Variants in ZFAT observed in about 807,000 individuals in gnomAD.
ZFAT encodes the protein zinc finger protein ZFAT.
Under a neutral mutation model 117.7 loss-of-function variants are expected in ZFAT, and 64 were observed. The observed-to-expected ratio is 0.54, with a 90% CI of 0.44 to 0.67. The LOEUF (loss-of-function observed/expected upper bound fraction) is 0.67, where lower values mean the gene tolerates loss of function less well. Among genes scored for constraint, ZFAT ranks in the 30% least tolerant of loss-of-function variants. The probability of loss-of-function intolerance (pLI) is 0.00; values close to 1 mark genes in which losing one functional copy is unlikely to be tolerated. For missense variants in ZFAT, 1,433 were observed against 1,584.5 expected (o/e 0.90, Z 1.62); for synonymous variants, 679 against 615.0 (o/e 1.10, Z -1.54).
At chr8:134,747,335 C>T in the ZFAT span, among the ~76,000 whole-genome samples, 2 of 152,150 alleles carry the variant, frequency 1.3e-5, no homozygotes, top group Non-Finnish European at 2.9e-5. Context: ...AATGATCCTC[C>T]CACCTCAGCC....
intron 12 of ZFAT, among the ~76,000 whole-genome samples, chr8:134,529,475 G>A (rs1280713926): frequency 2.0e-5 from 3 of 152,220 alleles, no homozygotes; most frequent in African/African-American, 7.2e-5. Flanking sequence ...TATTAATGAA[G>A]AAGTGATGGC....
intron 11 of ZFAT, among the ~76,000 whole-genome samples, chr8:134,539,146 A>G (rs1822060548): frequency 6.6e-6 from 1 of 152,202 alleles, no homozygotes; most frequent in Non-Finnish European, 1.5e-5. Context: ...AAAACCTCTA[A>G]CTACATTAAA....
intron 1 of ZFAT, among the ~76,000 whole-genome samples, chr8:134,695,650 G>T (rs568366205): frequency 7.0e-6 from 1 of 143,272 alleles, no homozygotes; most frequent in East Asian, 2.1e-4. Context: ...CACTCCCCAA[G>T]CCTGGGTCAT....
At chr8:134,711,123 G>GTTGTT (rs748839508) in intron 1 of ZFAT, among the ~76,000 whole-genome samples, 1 of 152,168 alleles carries the variant, frequency 6.6e-6, no homozygotes, top group Non-Finnish European at 1.5e-5. Flanking sequence ...TTGTGCAACT[G>GTTGTT]TTGTTTTGTT....
At chr8:134,819,496 A>ACCC in the ZFAT span, among the ~76,000 whole-genome samples, 1 of 39,374 alleles carries the variant, frequency 2.5e-5, no homozygotes, top group African/African-American at 9.2e-5. Flanking sequence ...CGGATTTACC[A>ACCC]CCCCCCCCCC....
At chr8:134,754,518 C>T in the ZFAT span, among the ~76,000 whole-genome samples, 1 of 152,214 alleles carries the variant, frequency 6.6e-6, no homozygotes, top group Non-Finnish European at 1.5e-5. Flanking sequence ...TCCAGGACTG[C>T]CCCTTCCCAG....
intron 1 of ZFAT, among the ~76,000 whole-genome samples, chr8:134,710,760 G>A (rs1813963183): frequency 6.6e-6 from 1 of 152,166 alleles, no homozygotes; most frequent in South Asian, 2.1e-4. Flanking sequence ...TTTTGATCAT[G>A]AAACAAAGTG....
the ZFAT span, among the ~76,000 whole-genome samples, chr8:134,818,486 G>A: frequency 6.6e-6 from 1 of 152,152 alleles, no homozygotes; most frequent in South Asian, 2.1e-4. Flanking sequence ...AATGCTGGTG[G>A]GAATGTAAAA....
rs1161879372 is a variant in ZFAT, at chr8:134,588,281, C to T, written c.2678G>A (p.Gly893Asp). Residue 893 changes from glycine (G) to aspartate (D), a missense_variant, in exon 9 of 16, where the codon GGC becomes GAC. Transcript: ENST00000377838. ...CCAAATATGACGCTGAAGGTCTGAGCCATTCTTCATGAAATAAAAGTCACA... is the reference window on the plus strand; with the variant it reads ...CCAAATATGACGCTGAAGGTCTGAGTCATTCTTCATGAAATAAAAGTCACA... Reference protein sequence around the residue: ...PYCDFYFMKNGSDLQRHIWAH... With the variant: ...PYCDFYFMKNDSDLQRHIWAH... 1.3e-6 allele frequency: 2 copies of T among 1,574,622 alleles called. No homozygotes were observed. The highest frequency in any genetic ancestry group is 1.7e-6 in the Non-Finnish European group (2 of 1,158,410).
chr8:134,599,184 A>G (rs1472885224), intron 7 of ZFAT: 3 of 152,332 alleles, frequency 2.0e-5, no homozygotes, highest in South Asian at 2.1e-4. Context: ...AGAGACAGAA[A>G]GAAAAGGAAG....
chr8:134,601,430 C>T, intron 6 of ZFAT, 47 bp downstream of exon 6: 3 of 1,552,126 alleles, frequency 1.9e-6, no homozygotes, highest in Non-Finnish European at 2.6e-6. Flanking sequence ...GTGACCACAG[C>T]ATGATGGTTG....
chr8:134,537,053 A>T lies in ZFAT; in HGVS notation c.2977-4081T>A, dbSNP rs148163190. Among the ~76,000 whole-genome samples the T allele has an allele frequency of 8.4e-3, 1,284 of 152,350 alleles. 12 individuals carry two copies. Among genetic ancestry groups the T allele is most frequent in the Middle Eastern group, 0.017 (5 of 294 alleles). Reference sequence around the variant, plus strand: ...AGAAGTTCTTAACCAAAGTAATGAGATCTAACATGATAAATATTACTGATT... The same window carrying T: ...AGAAGTTCTTAACCAAAGTAATGAGTTCTAACATGATAAATATTACTGATT... On this transcript the variant is annotated intron_variant, in intron 11 of 15. Coordinates refer to ENST00000377838, the MANE Select transcript of ZFAT (RefSeq NM_020863.4).
Position 134,478,380 on chromosome 8 carries a change from G to A in ZFAT, c.*102C>T. On this transcript the variant is annotated 3_prime_UTR_variant, in exon 16 of 16. Coordinates refer to ENST00000377838, the MANE Select transcript of ZFAT (RefSeq NM_020863.4). This position sits in a 1 kb window ranked among gnomAD's most constrained non-coding sequence, Gnocchi z 5.2. ...GCTGCTGGGCAGGGAGGGCAAAGGA[G>A]AGCACCATTCTGCGGGTAGGGCAGG... The A allele has an allele frequency of 2.7e-6, 4 of 1,469,014 alleles. No individual in the cohort carries two copies. Among genetic ancestry groups the A allele is most frequent in the East Asian group, 5.0e-5 (2 of 40,252 alleles). 91.0% of individuals were successfully genotyped at this position (1,469,014 alleles called of 1,614,324 possible).
chr8:134,795,203 T>C, the ZFAT span: 1 of 152,342 alleles, frequency 6.6e-6, no homozygotes, highest in East Asian at 1.9e-4. Flanking sequence ...GAAATGAATG[T>C]TGCTGGGGAC....
At chr8:134,520,415 C>A (rs1235611776) in intron 13 of ZFAT, among the ~76,000 whole-genome samples, 1 of 152,054 alleles carries the variant, frequency 6.6e-6, no homozygotes, top group Non-Finnish European at 1.5e-5. Flanking sequence ...GGCGTGTTTT[C>A]AGCAGGTGAC....
chr8:134,643,592 T>A (rs776672663), intron 2 of ZFAT, among the ~76,000 whole-genome samples: 1 of 152,208 alleles, frequency 6.6e-6, no homozygotes, highest in Non-Finnish European at 1.5e-5. Flanking sequence ...CCATGCCACT[T>A]GTCTAAGTCC....
chr8:134,618,756 T>C (rs906712446), intron 3 of ZFAT, among the ~76,000 whole-genome samples: 1 of 152,194 alleles, frequency 6.6e-6, no homozygotes, highest in Non-Finnish European at 1.5e-5. Context: ...AAGAAATAAA[T>C]AATTACTTGG....
chr8:134,703,322 C>A (rs117203284), intron 1 of ZFAT, among the ~76,000 whole-genome samples: 405 of 152,252 alleles, frequency 2.7e-3, no homozygotes, highest in Admixed American at 4.3e-3. Context: ...TCTTTCAAAC[C>A]TTTTGCTCAT....
chr8:134,526,015 A>T (rs996582195), intron 12 of ZFAT, among the ~76,000 whole-genome samples: 1 of 152,128 alleles, frequency 6.6e-6, no homozygotes, highest in Non-Finnish European at 1.5e-5. Context: ...ACCTTTTAAA[A>T]ACCTCCAAGT....
Sources: allele counts gnomAD v4.1 joint callset (sites outside exome capture counted in the v4.1 genomes callset), GRCh38; gene constraint gnomAD v4.1.1; non-coding constraint Gnocchi (gnomAD v3.1); transcripts MANE v1.5; gene names NCBI Gene and HGNC (gene_info 2026-07-23, HGNC 2026-07-21).